SLC4A5: variants seen among roughly 807,000 people sequenced by gnomAD.
SLC4A5 encodes the protein solute carrier family 4 member 5, also known as electrogenic sodium bicarbonate cotransporter 4.
A neutral mutation model predicts 120.4 loss-of-function variants in SLC4A5; 96 were observed. The observed-to-expected ratio is 0.80, with a 90% CI of 0.68 to 0.94. SLC4A5 has a LOEUF of 0.94. SLC4A5 is among the 40% of genes least tolerant of loss of function. SLC4A5 has a pLI of 0.00. For missense variants in SLC4A5, 1,259 were observed against 1,459.5 expected (o/e 0.86, Z 2.24); for synonymous variants, 550 against 571.1 (o/e 0.96, Z 0.53).
intron 6 of SLC4A5, among the ~76,000 whole-genome samples, chr2:74,310,500 T>G (rs937709617): frequency 2.0e-5 from 3 of 152,216 alleles, no homozygotes; most frequent in African/African-American, 2.4e-5. Flanking sequence ...ACTGCAAGTT[T>G]TTATTATGAA....
At chr2:74,276,204 G>T (rs1019536104) in intron 8 of SLC4A5, among the ~76,000 whole-genome samples, 1 of 152,108 alleles carries the variant, frequency 6.6e-6, no homozygotes, top group African/African-American at 2.4e-5. Context: ...AAGGACAGGG[G>T]AAGAGATCAT....
chr2:74,227,636 T>A lies in SLC4A5; in HGVS notation c.2916+174A>T, dbSNP rs189912076. 122 of 1,297,086 alleles carry A rather than the reference T, an allele frequency of 9.4e-5. No individual in the cohort carries two copies. The African/African-American group carries it at 1.6e-3, about 17-fold the overall frequency. 80.3% of individuals were successfully genotyped at this position (1,297,086 alleles called of 1,614,324 possible). On this transcript the variant is annotated intron_variant, in intron 26 of 30. Transcript: ENST00000394019. ...TGAGGCCTATGAAGTGCCTAACATA[T>A]TTATTTTGCCTGATAGCATCAGTAA...
rs1329181121 is a variant in SLC4A5 at position 74,227,458 on chromosome 2, A to T, written c.2917-328T>A. On this transcript the variant is annotated intron_variant, in intron 26 of 30. Transcript: ENST00000394019. ...CACAGTAAATACAGAACAAAACAAA[A>T]ATGTTTTCTTCTGCATAGCTGCCTT... 6.4e-6 allele frequency: 10 copies of T among 1,569,276 alleles called. No individual in the cohort carries two copies. The East Asian group carries it at 2.0e-4, about 32-fold the overall frequency.
intron 8 of SLC4A5, 72 bp downstream of exon 8, chr2:74,285,701 A>G: frequency 1.9e-6 from 3 of 1,571,696 alleles, no homozygotes; most frequent in Non-Finnish European, 2.6e-6. Flanking sequence ...GCCACTTCCC[A>G]CCAGGAGGGT....
intron 17 of SLC4A5, 58 bp downstream of exon 17, chr2:74,250,285 C>A (rs941853432): frequency 1.9e-6 from 3 of 1,567,744 alleles, no homozygotes; most frequent in Non-Finnish European, 2.6e-6. Context: ...AAGCTTCCTG[C>A]TGCCACCAGG....
intron 26 of SLC4A5, chr2:74,227,473 A>G: frequency 1.3e-6 from 2 of 1,587,526 alleles, no homozygotes; most frequent in South Asian, 2.3e-5. Flanking sequence ...TTTCTTCTGC[A>G]TAGCTGCCTT....
At chr2:74,262,077 C>A in intron 11 of SLC4A5, 60 bp downstream of exon 11, 1 of 1,493,780 alleles carries the variant, frequency 6.7e-7, no homozygotes, top group South Asian at 1.2e-5. Context: ...GCAATGTGGC[C>A]ATGTCACAGC....
At chr2:74,329,610 A>T (rs767687396) in intron 4 of SLC4A5, among the ~76,000 whole-genome samples, 3 of 151,760 alleles carry the variant, frequency 2.0e-5, no homozygotes, top group Non-Finnish European at 2.9e-5. Context: ...CAAACAAACA[A>T]ACAAACATGG....
At chr2:74,288,098 G>A (rs557214559) in intron 7 of SLC4A5, among the ~76,000 whole-genome samples, 2 of 152,246 alleles carry the variant, frequency 1.3e-5, no homozygotes, top group South Asian at 2.1e-4. Flanking sequence ...GCCTCGCAGA[G>A]TATGAAATTT....
chr2:74,284,572 C>A (rs1671921140), intron 8 of SLC4A5, among the ~76,000 whole-genome samples: 1 of 152,160 alleles, frequency 6.6e-6, no homozygotes, highest in South Asian at 2.1e-4. Context: ...AGAGTGGCAT[C>A]ATGTAAAGAA....
rs564372872 is a variant in SLC4A5, at chr2:74,308,427, G to A, written c.80-3747C>T. ...TTTTAAAAAATAGCCATTCTAATAG[G>A]TGTTAGTGGATCTTATTGTTTTAAT... On this transcript the variant is annotated intron_variant, in intron 6 of 30. Coordinates refer to ENST00000394019, the Ensembl canonical transcript of SLC4A5. Among the ~76,000 whole-genome samples, 17 of 152,302 alleles carry A rather than the reference G, an allele frequency of 1.1e-4. No individual in the cohort carries two copies. The South Asian group carries it at 3.3e-3, about 30-fold the overall frequency.
Position 74,255,649 on chromosome 2 carries a change from C to T in SLC4A5, c.1025+126G>A. Reference sequence around the variant, plus strand: ...ACTCTTCCCTAGTCAGAAGATTTCCCTTCCCAGCAGCCTCCACGTTTAGAG... The same window carrying T: ...ACTCTTCCCTAGTCAGAAGATTTCCTTTCCCAGCAGCCTCCACGTTTAGAG... On this transcript the variant is annotated intron_variant, in intron 13 of 30. Transcript: ENST00000394019. This position sits in a 1 kb window ranked among gnomAD's most constrained non-coding sequence, Gnocchi z 4.0. The T allele has an allele frequency of 1.8e-6, 2 of 1,135,696 alleles. No individual in the cohort carries two copies. Among genetic ancestry groups the T allele is most frequent in the Non-Finnish European group, 2.5e-6 (2 of 809,330 alleles). The allele number at this position is 1,135,696 out of a possible 1,614,324, so 70.4% of individuals were successfully genotyped here. A position where few individuals can be genotyped will look rare whatever the true frequency, so the allele number is the denominator to read the frequency against.
Position 74,222,852 on chromosome 2 carries a change from C to T in SLC4A5, c.3331+16G>A. The stretch of plus-strand genomic sequence containing the variant: ...ACTAGTAGTAAGAAGGGAGAGACAT[C>T]ATGTGTTTTACTTACTGGCAATGCA... On this transcript the variant is annotated intron_variant, in intron 29 of 30. Coordinates refer to ENST00000394019, the Ensembl canonical transcript of SLC4A5. 6.3e-7 allele frequency: 1 copy of T among 1,591,036 alleles called. No homozygotes were observed. Among genetic ancestry groups the T allele is most frequent in the South Asian group, 1.1e-5 (1 of 90,646 alleles).
intron 4 of SLC4A5, among the ~76,000 whole-genome samples, chr2:74,333,343 T>C (rs1024344961): frequency 2.0e-5 from 3 of 152,156 alleles, no homozygotes; most frequent in Non-Finnish European, 2.9e-5. Context: ...GCACTCAACA[T>C]AGGCCCACCT....
At chr2:74,293,431 T>C (rs1027242682) in intron 7 of SLC4A5, among the ~76,000 whole-genome samples, 3 of 152,130 alleles carry the variant, frequency 2.0e-5, no homozygotes, top group Admixed American at 6.5e-5. Context: ...CCACAATGAA[T>C]TGGAGCAGGA....
chr2:74,237,931 G>A (rs1298533440), intron 21 of SLC4A5, among the ~76,000 whole-genome samples: 3 of 151,926 alleles, frequency 2.0e-5, no homozygotes, highest in Non-Finnish European at 2.9e-5. Context: ...GTGAAACCCC[G>A]TCTCAACTAA....
At chr2:74,328,231 A>G (rs1004797641) in intron 4 of SLC4A5, 45 bp from the exon 5 acceptor site, 3 of 978,358 alleles carry the variant, frequency 3.1e-6, no homozygotes, top group Non-Finnish European at 3.6e-6. Context: ...CAGGCTGAAC[A>G]GTATTTGGGG....
Position 74,252,383 on chromosome 2 carries a change from G to T in SLC4A5, c.1274C>A (p.Ser425Tyr), listed in dbSNP as rs758301358. The change falls in exon 16 of 31, where the codon TCT becomes TAT. Residue 425 changes from serine (S) to tyrosine (Y), a missense_variant. Physicochemically the swap from Ser to Tyr is moderately radical, Grantham distance 144. Transcript: ENST00000394019. The stretch of plus-strand genomic sequence containing the variant: ...GCCCAGCTCTGCTAGGGAGAACACA[G>T]ATTTCCTGGAAGAGAAGGGGGATGA... 12 of 1,612,156 alleles carry T rather than the reference G, an allele frequency of 7.4e-6. No individual in the cohort carries two copies. In the East Asian group the frequency reaches 2.2e-4, roughly 30 times the overall value.
intron 12 of SLC4A5, among the ~76,000 whole-genome samples, chr2:74,258,163 T>C (rs1433128215): frequency 6.6e-6 from 1 of 152,208 alleles, no homozygotes; most frequent in Non-Finnish European, 1.5e-5. Context: ...CTCTGTTCAC[T>C]GGGAATCTGC....
Sources: allele counts gnomAD v4.1 joint callset (sites outside exome capture counted in the v4.1 genomes callset), GRCh38; gene constraint gnomAD v4.1.1; non-coding constraint Gnocchi (gnomAD v3.1); transcripts MANE v1.5; gene names NCBI Gene and HGNC (gene_info 2026-07-23, HGNC 2026-07-21).